USP32: variants seen among roughly 807,000 people sequenced by gnomAD.
The protein encoded by USP32 is ubiquitin specific peptidase 32.
USP32 carries 59 observed loss-of-function variants against 204.8 expected under a neutral mutation model. That is an observed-to-expected ratio of 0.29 (90% CI 0.23 to 0.36). The LOEUF (loss-of-function observed/expected upper bound fraction) is 0.36. Ranked by LOEUF, USP32 falls within the 10% of genes least tolerant of loss-of-function variation. The pLI is 1.00. For synonymous variants in USP32, 517 were observed against 678.4 expected (o/e 0.76, Z 3.70); for missense variants, 1,160 against 1,946.4 (o/e 0.60, Z 7.60).
intron 1 of USP32, among the ~76,000 whole-genome samples, chr17:60,367,011 T>C (rs2089329859): frequency 6.6e-6 from 1 of 152,102 alleles, no homozygotes; most frequent in Admixed American, 6.5e-5. Context: ...ATAGTTTTAG[T>C]AGAGACGGGG....
chr17:60,411,807 A>G (rs931334140), intron 1 of USP32, among the ~76,000 whole-genome samples: 9 of 152,144 alleles, frequency 5.9e-5, no homozygotes, highest in Admixed American at 2.6e-4. Flanking sequence ...GTTGTAGTAT[A>G]TATGAGGATT....
At chr17:60,341,749 C>T (rs2145993627) in intron 2 of USP32, among the ~76,000 whole-genome samples, 1 of 152,254 alleles carries the variant, frequency 6.6e-6, no homozygotes, top group East Asian at 1.9e-4. Flanking sequence ...TTTTCAGCTC[C>T]ATCAGGTCAT....
intron 26 of USP32, 24 bp downstream of exon 26, chr17:60,205,423 T>C (rs1384131099): frequency 6.2e-7 from 1 of 1,602,174 alleles, no homozygotes; most frequent in Non-Finnish European, 8.5e-7. Context: ...AGACTGGCAG[T>C]GAGTTGCCTA....
intron 32 of USP32, among the ~76,000 whole-genome samples, chr17:60,181,107 T>C (rs1242958345): frequency 6.6e-6 from 1 of 152,038 alleles, no homozygotes; most frequent in African/African-American, 2.4e-5. Flanking sequence ...TGGGCTCAAG[T>C]GATCCTCCTG....
chr17:60,231,965 C>T lies in USP32; in HGVS notation c.1239+4173G>A, dbSNP rs147029549. Among the ~76,000 whole-genome samples the T allele has an allele frequency of 2.8e-4, 43 of 152,208 alleles. No individual in the cohort carries two copies. The South Asian group carries it at 3.7e-3, about 13-fold the overall frequency. Reference sequence around the variant, plus strand: ...GTTAGCCACTTCTAAGAAAGGATGGCTCATTTTTCCTGATCCCTTGGTCTC... The same window carrying T: ...GTTAGCCACTTCTAAGAAAGGATGGTTCATTTTTCCTGATCCCTTGGTCTC... On this transcript the variant is annotated intron_variant, in intron 12 of 33. Transcript: ENST00000300896.
intron 1 of USP32, among the ~76,000 whole-genome samples, chr17:60,348,565 A>G (rs1052503149): frequency 6.6e-6 from 1 of 152,128 alleles, no homozygotes; most frequent in Admixed American, 6.5e-5. Flanking sequence ...GCTTGAGACC[A>G]GGAGTTAGAG....
At chr17:60,324,997 C>G (rs552354912) in intron 2 of USP32, among the ~76,000 whole-genome samples, 19 of 152,024 alleles carry the variant, frequency 1.2e-4, no homozygotes, top group African/African-American at 4.6e-4. Context: ...GAGCGAAACT[C>G]CATCTCAAAA....
At chr17:60,237,795 G>A (rs925049697) in intron 11 of USP32, among the ~76,000 whole-genome samples, 9 of 152,250 alleles carry the variant, frequency 5.9e-5, no homozygotes, top group South Asian at 2.1e-4. Context: ...ATATTCCATG[G>A]TGTGTATATA....
chr17:60,331,412 C>T (rs1223126426), intron 2 of USP32, among the ~76,000 whole-genome samples: 2 of 150,172 alleles, frequency 1.3e-5, no homozygotes. Context: ...CAAAAAAATA[C>T]AAGTTAGCCA....
intron 1 of USP32, among the ~76,000 whole-genome samples, chr17:60,364,864 T>G (rs1351570504): frequency 6.6e-6 from 1 of 152,242 alleles, no homozygotes; most frequent in East Asian, 1.9e-4. Context: ...ATGAGATTCA[T>G]CTTCTATATA....
At chr17:60,202,028 A>C (rs1567761400) in intron 26 of USP32, among the ~76,000 whole-genome samples, 1 of 152,162 alleles carries the variant, frequency 6.6e-6, no homozygotes, top group Non-Finnish European at 1.5e-5. Flanking sequence ...TGTATTTACC[A>C]GTATTATCTT....
Position 60,236,097 on chromosome 17 carries a change from A to C in USP32, c.1239+41T>G, listed in dbSNP as rs1401272404. 4 of 1,550,450 alleles carry C rather than the reference A, an allele frequency of 2.6e-6. No homozygotes were observed. In the South Asian group the frequency reaches 4.5e-5, roughly 17 times the overall value. On this transcript the variant is annotated intron_variant, in intron 12 of 33. Coordinates refer to ENST00000300896, the MANE Select transcript of USP32 (RefSeq NM_032582.4). The stretch of plus-strand genomic sequence containing the variant: ...TTGGCTGGAAGTCTCACGCAGCTGA[A>C]AATCCTGTGAAAAATGTAAATAGAC...
chr17:60,256,156 A>AG (rs2086297638), intron 9 of USP32, among the ~76,000 whole-genome samples: 1 of 151,968 alleles, frequency 6.6e-6, no homozygotes, highest in Non-Finnish European at 1.5e-5. Flanking sequence ...CTGGGCAACT[A>AG]GCAAGACACC....
chr17:60,384,997 G>C (rs148701433), intron 1 of USP32, among the ~76,000 whole-genome samples: 3,174 of 152,228 alleles, frequency 0.021, 101 homozygotes, highest in African/African-American at 0.072. Flanking sequence ...CCCAAGCTAA[G>C]CCATCACATC....
chr17:60,401,708 C>T (rs959561186), intron 1 of USP32, among the ~76,000 whole-genome samples: 2 of 150,794 alleles, frequency 1.3e-5, no homozygotes, highest in Non-Finnish European at 3.0e-5. Context: ...TGGTGAAACC[C>T]CATCTCTATA....
At chr17:60,293,099 A>T (rs932922259) in intron 4 of USP32, among the ~76,000 whole-genome samples, 1 of 152,208 alleles carries the variant, frequency 6.6e-6, no homozygotes, top group Non-Finnish European at 1.5e-5. Context: ...AGACCTAAGC[A>T]TTCTATATAA....
intron 2 of USP32, among the ~76,000 whole-genome samples, chr17:60,307,101 C>CTT (rs557442387): frequency 7.0e-6 from 1 of 143,808 alleles, no homozygotes; most frequent in Admixed American, 7.0e-5. Flanking sequence ...TTTTTCCTTT[C>CTT]TTTTTTTTTT....
intron 11 of USP32, among the ~76,000 whole-genome samples, chr17:60,242,301 A>C (rs1397202322): frequency 1.3e-5 from 2 of 151,938 alleles, no homozygotes; most frequent in Non-Finnish European, 2.9e-5. Context: ...CTCCTCCTGG[A>C]CCATTTTTTT....
intron 1 of USP32, among the ~76,000 whole-genome samples, chr17:60,414,280 T>G (rs2090042543): frequency 6.6e-6 from 1 of 151,688 alleles, no homozygotes; most frequent in African/African-American, 2.4e-5. Flanking sequence ...GGAGAATTGC[T>G]TGAACCTGGG....
Sources: allele counts gnomAD v4.1 joint callset (sites outside exome capture counted in the v4.1 genomes callset), GRCh38; gene constraint gnomAD v4.1.1; transcripts MANE v1.5; gene names NCBI Gene and HGNC (gene_info 2026-07-23, HGNC 2026-07-21).